Variants in RAB27A observed in about 807,000 individuals in gnomAD.
RAB27A encodes RAB27A, member RAS oncogene family, also known as ras-related protein Rab-27A.
A neutral mutation model predicts 20.8 loss-of-function variants in RAB27A; 17 were observed. That is an observed-to-expected ratio of 0.82 (90% CI 0.56 to 1.23). RAB27A has a LOEUF of 1.23. Ranked by LOEUF, RAB27A falls within the 50% of genes most tolerant of loss-of-function variation. The probability of loss-of-function intolerance (pLI) is 0.00; values close to 1 mark genes in which losing one functional copy is unlikely to be tolerated. For synonymous variants in RAB27A, 85 were observed against 92.8 expected (o/e 0.92, Z 0.48); for missense variants, 277 against 266.7 (o/e 1.04, Z -0.27).
intron 6 of RAB27A, among the ~76,000 whole-genome samples, chr15:55,209,718 T>C (rs1009407985): frequency 1.3e-5 from 2 of 148,764 alleles, no homozygotes; most frequent in Non-Finnish European, 3.0e-5. Context: ...AAACTTCCAC[T>C]AATATATATA....
chr15:55,234,998 A>C (rs1469466703), intron 2 of RAB27A, 42 bp from the exon 3 acceptor site: 9 of 1,435,750 alleles, frequency 6.3e-6, no homozygotes, highest in Non-Finnish European at 8.6e-6. Context: ...AATCCATTAG[A>C]AAACATTAAT....
chr15:55,307,133 A>G (rs2141144849), intron 2 of RAB27A, among the ~76,000 whole-genome samples: 1 of 151,992 alleles, frequency 6.6e-6, no homozygotes, highest in Non-Finnish European at 1.5e-5. Flanking sequence ...ATTAGAGGGA[A>G]GGGACTTGAC....
intron 2 of RAB27A, among the ~76,000 whole-genome samples, chr15:55,302,778 A>T (rs1378788758): frequency 1.2e-4 from 16 of 134,166 alleles, no homozygotes; most frequent in African/African-American, 2.1e-4. Context: ...CCCGTCTGGG[A>T]GGTGAGGAGC....
chr15:55,310,912 C>A (rs978105883), intron 2 of RAB27A, among the ~76,000 whole-genome samples: 1 of 152,218 alleles, frequency 6.6e-6, no homozygotes, highest in African/African-American at 2.4e-5. Context: ...GTAGGATTTT[C>A]TTCCTTTCCC....
chr15:55,205,787 A>G, intron 6 of RAB27A, 82 bp from the exon 7 acceptor site: 1 of 1,220,076 alleles, frequency 8.2e-7, no homozygotes. Context: ...AAATTAGAGA[A>G]TCGATAGAAT....
At chr15:55,255,013 T>C (rs1427203495) in intron 2 of RAB27A, among the ~76,000 whole-genome samples, 1 of 152,196 alleles carries the variant, frequency 6.6e-6, no homozygotes, top group African/African-American at 2.4e-5. Context: ...ATCCAGCAAG[T>C]TGCTCATCAC....
chr15:55,206,208 C>CA, intron 6 of RAB27A: 29 of 504,820 alleles, frequency 5.7e-5, no homozygotes, highest in East Asian at 1.5e-4. Flanking sequence ...TAGACTGTCT[C>CA]AAAAAAAATC....
intron 2 of RAB27A, among the ~76,000 whole-genome samples, chr15:55,260,311 C>A (rs1391055902): frequency 1.3e-5 from 2 of 152,172 alleles, no homozygotes; most frequent in Non-Finnish European, 2.9e-5. Context: ...GATGTGGAAA[C>A]CCAGAACTCT....
At chr15:55,296,682 T>C (rs1296985690) in intron 2 of RAB27A, among the ~76,000 whole-genome samples, 1 of 152,166 alleles carries the variant, frequency 6.6e-6, no homozygotes, top group Admixed American at 6.5e-5. Context: ...ATTTTGCTTT[T>C]TTTTTGGCAC....
At chr15:55,228,303 A>G (rs1190297177) in intron 5 of RAB27A, among the ~76,000 whole-genome samples, 1 of 152,242 alleles carries the variant, frequency 6.6e-6, no homozygotes, top group African/African-American at 2.4e-5. Context: ...CTAGGCTTCT[A>G]CTTCCTCATC....
At chr15:55,251,710 A>C (rs1336034752) in intron 2 of RAB27A, among the ~76,000 whole-genome samples, 1 of 152,236 alleles carries the variant, frequency 6.6e-6, no homozygotes. Flanking sequence ...ACTAAATTAT[A>C]GCACAGAAGG....
chr15:55,241,606 A>ATATATATGTG (rs1282010329), intron 2 of RAB27A, among the ~76,000 whole-genome samples: 3 of 132,310 alleles, frequency 2.3e-5, no homozygotes, highest in African/African-American at 1.1e-4. Flanking sequence ...CTATTTATAT[A>ATATATATGTG]TATATATATA....
chr15:55,296,666 A>G (rs1201500996), intron 2 of RAB27A, among the ~76,000 whole-genome samples: 1 of 151,506 alleles, frequency 6.6e-6, no homozygotes, highest in African/African-American at 2.4e-5. Context: ...TTTTAATTAG[A>G]CTATAATTTT....
intron 1 of RAB27A, among the ~76,000 whole-genome samples, chr15:55,280,872 G>A (rs1236608492): frequency 6.6e-6 from 1 of 152,138 alleles, no homozygotes; most frequent in East Asian, 1.9e-4. Context: ...ATTCCATGGT[G>A]TATATGTGCC....
intron 2 of RAB27A, among the ~76,000 whole-genome samples, chr15:55,303,024 G>A (rs1275369706): frequency 1.4e-5 from 2 of 146,908 alleles, no homozygotes; most frequent in Non-Finnish European, 3.0e-5. Flanking sequence ...GCCCCATCCG[G>A]GAGGGAGGTG....
intron 6 of RAB27A, among the ~76,000 whole-genome samples, chr15:55,217,500 A>C (rs76752704): frequency 1.1e-4 from 16 of 151,590 alleles, no homozygotes; most frequent in Non-Finnish European, 2.1e-4. Flanking sequence ...TCTTTACTAA[A>C]AAAAATATAT....
intron 6 of RAB27A, among the ~76,000 whole-genome samples, chr15:55,207,729 CTGGAGTG>C (rs901769562): frequency 4.0e-4 from 61 of 152,114 alleles, no homozygotes; most frequent in African/African-American, 1.4e-3. Context: ...GTTGCCCAGG[CTGGAGTG>C]TAATGGTGTG....
At chr15:55,241,908 C>CTTTT (rs1896508146) in intron 2 of RAB27A, among the ~76,000 whole-genome samples, 1 of 151,678 alleles carries the variant, frequency 6.6e-6, no homozygotes, top group Non-Finnish European at 1.5e-5. Flanking sequence ...TTTAAAAATA[C>CTTTT]TTTTTAAGTG....
chr15:55,220,776 A>G (rs1895533822), intron 6 of RAB27A, among the ~76,000 whole-genome samples: 1 of 152,224 alleles, frequency 6.6e-6, no homozygotes, highest in Admixed American at 6.5e-5. Flanking sequence ...GAAACAAAAC[A>G]TCTGTGAAAA....
Sources: allele counts gnomAD v4.1 joint callset (sites outside exome capture counted in the v4.1 genomes callset), GRCh38; gene constraint gnomAD v4.1.1; transcripts MANE v1.5; gene names NCBI Gene and HGNC (gene_info 2026-07-23, HGNC 2026-07-21).